The following ZNF420 variants were observed in gnomAD, a reference collection of about 807,000 sequenced individuals.
ZNF420 encodes zinc finger protein 420, also known as ATM and p53-associated KZNF protein.
In ZNF420, 31 loss-of-function variants were observed where a neutral mutation model predicts 44.7. The ratio of observed to expected loss-of-function variants is 0.69; its 90% CI spans 0.52 to 0.94. ZNF420 has a LOEUF of 0.94. ZNF420 is among the 40% of genes least tolerant of loss of function. The pLI is 0.00. For synonymous variants in ZNF420, 245 were observed against 267.4 expected (o/e 0.92, Z 0.82); for missense variants, 681 against 827.9 (o/e 0.82, Z 2.18).
chr19:37,130,282 G>T lies in ZNF420; in HGVS notation c.*1224G>T. ...ACTAGCTCTGGTCTGCTTGCCTCCT[G>T]TTTCTCTTTAAATAAAATTAAACAT... On this transcript the variant is annotated 3_prime_UTR_variant, in exon 5 of 5. Coordinates refer to ENST00000337995, the MANE Select transcript of ZNF420 (RefSeq NM_144689.5). 8 of 1,408,950 alleles carry T rather than the reference G, an allele frequency of 5.7e-6. No homozygotes were observed. Among genetic ancestry groups the T allele is most frequent in the Non-Finnish European group, 7.4e-6 (8 of 1,077,046 alleles). 87.3% of individuals were successfully genotyped at this position (1,408,950 alleles called of 1,614,324 possible). A position where few individuals can be genotyped will look rare whatever the true frequency, so the allele number is the denominator to read the frequency against.
chr19:37,116,904 G>C (rs147724578), intron 4 of ZNF420, among the ~76,000 whole-genome samples: 1,999 of 152,288 alleles, frequency 0.013, 47 homozygotes, highest in African/African-American at 0.045. Context: ...CGAGGCTGGG[G>C]GAGGGGTGCC....
At chr19:37,125,053 G>C (rs1971273200) in intron 4 of ZNF420, among the ~76,000 whole-genome samples, 3 of 152,100 alleles carry the variant, frequency 2.0e-5, no homozygotes, top group Non-Finnish European at 2.9e-5. Context: ...GGCCAGGTTG[G>C]TCTCGAACTC....
intron 4 of ZNF420, among the ~76,000 whole-genome samples, chr19:37,123,596 TG>T (rs1971175364): frequency 7.6e-6 from 1 of 131,046 alleles, no homozygotes; most frequent in Non-Finnish European, 1.6e-5. Context: ...CTTTTACTCT[TG>T]TCTTTTTTTT....
At chr19:37,065,736 T>C (rs998029164) in intron 1 of ZNF420, among the ~76,000 whole-genome samples, 1 of 152,212 alleles carries the variant, frequency 6.6e-6, no homozygotes, top group Admixed American at 6.5e-5. Context: ...GCTAATAAAT[T>C]TGTGTTGTTT....
At chr19:37,072,346 T>C (rs758479379) in intron 1 of ZNF420, among the ~76,000 whole-genome samples, 16 of 152,102 alleles carry the variant, frequency 1.1e-4, no homozygotes, top group Non-Finnish European at 1.9e-4. Context: ...ACAATCAGAG[T>C]TGCCTCCACA....
At chr19:37,032,902 G>C (rs947605081) in intron 1 of ZNF420, among the ~76,000 whole-genome samples, 3 of 152,190 alleles carry the variant, frequency 2.0e-5, no homozygotes, top group Non-Finnish European at 2.9e-5. Flanking sequence ...TGATTCATCT[G>C]TATCAGGTGT....
At chr19:37,036,569 G>A (rs574567544) in intron 1 of ZNF420, among the ~76,000 whole-genome samples, 2 of 152,164 alleles carry the variant, frequency 1.3e-5, no homozygotes, top group South Asian at 4.1e-4. Flanking sequence ...TTGGTCATTC[G>A]TATCCTTTGG....
chr19:37,054,080 C>G (rs532936736), intron 1 of ZNF420, among the ~76,000 whole-genome samples: 1 of 152,172 alleles, frequency 6.6e-6, no homozygotes, highest in African/African-American at 2.4e-5. Flanking sequence ...CCCCCAGCCT[C>G]GCCGCCCCCT....
Position 37,080,692 on chromosome 19 carries a change from T to G in ZNF420, c.-81+304T>G, listed in dbSNP as rs543561265. On this transcript the variant is annotated intron_variant, in intron 2 of 4. Transcript: ENST00000337995. ...ATTTCTGATACAGCACCATTTTGAT[T>G]TTTTAACTTTTTTTAGCTTGTTATG... 1.4e-4 allele frequency among the ~76,000 whole-genome samples: 21 copies of G among 152,180 alleles called. No individual in the cohort carries two copies. In the South Asian group the frequency reaches 2.5e-3, roughly 18 times the overall value.
intron 1 of ZNF420, among the ~76,000 whole-genome samples, chr19:37,019,759 T>A: frequency 7.1e-6 from 1 of 141,796 alleles, no homozygotes. Context: ...AGAGAAAGAC[T>A]CATCTGTCAC....
intron 2 of ZNF420, among the ~76,000 whole-genome samples, chr19:37,080,819 G>A (rs1317879790): frequency 6.6e-6 from 1 of 151,994 alleles, no homozygotes; most frequent in Admixed American, 6.6e-5. Context: ...CACTTTGGGA[G>A]GCCGAGGCGG....
At chr19:37,052,767 C>T (rs773604031) in intron 1 of ZNF420, among the ~76,000 whole-genome samples, 18 of 152,128 alleles carry the variant, frequency 1.2e-4, no homozygotes, top group Non-Finnish European at 2.1e-4. Context: ...GTGGGTATCC[C>T]GACCTTTCTC....
At chr19:37,098,439 C>T (rs898855503) in intron 4 of ZNF420, among the ~76,000 whole-genome samples, 1 of 152,090 alleles carries the variant, frequency 6.6e-6, no homozygotes, top group Non-Finnish European at 1.5e-5. Context: ...GTGGTTATTG[C>T]TGTATATCAG....
At chr19:37,059,059 T>C (rs540822305) in intron 1 of ZNF420, among the ~76,000 whole-genome samples, 23 of 152,152 alleles carry the variant, frequency 1.5e-4, no homozygotes, top group Non-Finnish European at 2.6e-4. Flanking sequence ...CCTGAGCCCA[T>C]CCCTGCTCAC....
intron 1 of ZNF420, among the ~76,000 whole-genome samples, chr19:37,030,310 T>A (rs1203588821): frequency 1.3e-5 from 2 of 152,128 alleles, no homozygotes; most frequent in African/African-American, 4.8e-5. Flanking sequence ...TACAGGCGTG[T>A]GCCAACACAC....
Position 37,129,051 on chromosome 19 carries a change from A to C in ZNF420, c.2060A>C (p.Tyr687Ser). Residue 687 changes from tyrosine to serine, a missense_variant, in exon 5 of 5, where the codon TAC becomes TCC. Transcript: ENST00000337995. Reference protein sequence around the residue: ...GIDFSHGSQVYM With the variant: ...GIDFSHGSQVSM ...GACTTTAGTCATGGCTCACAAGTTT[A>C]CATGTGAATTGTCTGATTATTTGAG... 6.2e-7 allele frequency: 1 copy of C among 1,608,796 alleles called. No individual in the cohort carries two copies. The highest frequency in any genetic ancestry group is 8.5e-7 in the Non-Finnish European group (1 of 1,175,990).
At chr19:37,051,946 C>T (rs1967646739) in intron 1 of ZNF420, among the ~76,000 whole-genome samples, 1 of 151,902 alleles carries the variant, frequency 6.6e-6, no homozygotes, top group South Asian at 2.1e-4. Flanking sequence ...TTTCAAAGAA[C>T]ATGTTGACAG....
intron 4 of ZNF420, among the ~76,000 whole-genome samples, chr19:37,113,673 T>C (rs1248012684): frequency 1.3e-5 from 2 of 152,174 alleles, no homozygotes; most frequent in African/African-American, 4.8e-5. Flanking sequence ...GGGTCTTGGC[T>C]TTTTTCCCAG....
chr19:37,119,528 C>G (rs1479546569), intron 4 of ZNF420, among the ~76,000 whole-genome samples: 1 of 152,010 alleles, frequency 6.6e-6, no homozygotes, highest in African/African-American at 2.4e-5. Flanking sequence ...AGGAAAGATT[C>G]AAAATGGACA....
Sources: allele counts gnomAD v4.1 joint callset (sites outside exome capture counted in the v4.1 genomes callset), GRCh38; gene constraint gnomAD v4.1.1; transcripts MANE v1.5; gene names NCBI Gene and HGNC (gene_info 2026-07-23, HGNC 2026-07-21).